Variants in MELK observed in about 807,000 individuals in gnomAD.
MELK encodes maternal embryonic leucine zipper kinase, also known as pEg3 kinase.
A neutral mutation model predicts 85.0 loss-of-function variants in MELK; 81 were observed. The ratio of observed to expected loss-of-function variants is 0.95; its 90% CI spans 0.80 to 1.15. MELK has a LOEUF of 1.15. MELK is among the 50% of genes most tolerant of loss of function. The pLI is 0.00. For synonymous variants in MELK, 252 were observed against 265.0 expected (o/e 0.95, Z 0.48); for missense variants, 754 against 777.5 (o/e 0.97, Z 0.36).
At chr9:36,648,991 G>C (rs143197332) in intron 11 of MELK, among the ~76,000 whole-genome samples, 1 of 152,130 alleles carries the variant, frequency 6.6e-6, no homozygotes, top group Non-Finnish European at 1.5e-5. Context: ...CCCCAGATAT[G>C]CAGGGAGCGG....
intron 8 of MELK, among the ~76,000 whole-genome samples, chr9:36,609,505 G>A (rs1379504076): frequency 2.0e-5 from 3 of 150,250 alleles, no homozygotes; most frequent in Admixed American, 6.6e-5. Flanking sequence ...TGAAGTGCAG[G>A]AGTGCGATCA....
chr9:36,627,766 A>G (rs1466487822), intron 8 of MELK, among the ~76,000 whole-genome samples: 2 of 151,248 alleles, frequency 1.3e-5, no homozygotes, highest in African/African-American at 4.9e-5. Context: ...ACCTCAGGTG[A>G]TCCGCCCATC....
At chr9:36,608,551 C>G (rs906822585) in intron 8 of MELK, among the ~76,000 whole-genome samples, 2 of 151,608 alleles carry the variant, frequency 1.3e-5, no homozygotes, top group African/African-American at 4.8e-5. Context: ...TTTTTGAAAA[C>G]TCATTGAGGT....
chr9:36,658,289 T>C (rs1831453396), intron 13 of MELK, among the ~76,000 whole-genome samples: 1 of 152,180 alleles, frequency 6.6e-6, no homozygotes, highest in African/African-American at 2.4e-5. Context: ...GCACACTTGA[T>C]GGTGCCCTAC....
intron 13 of MELK, among the ~76,000 whole-genome samples, chr9:36,662,540 T>C (rs10758386): frequency 0.87 from 132,012 of 152,174 alleles, 57,536 homozygotes; most frequent in East Asian, 0.92. Context: ...CCCTGCACCC[T>C]GCTGTGAATC....
intron 8 of MELK, among the ~76,000 whole-genome samples, chr9:36,615,436 C>G (rs1313467426): frequency 7.4e-6 from 1 of 135,398 alleles, no homozygotes; most frequent in Admixed American, 7.2e-5. Flanking sequence ...GCTGGCCAGG[C>G]GGGGGGCTGA....
At chr9:36,657,802 C>T (rs141711003) in intron 13 of MELK, among the ~76,000 whole-genome samples, 30 of 152,240 alleles carry the variant, frequency 2.0e-4, no homozygotes, top group Admixed American at 9.8e-4. Context: ...CAGCTGGTCT[C>T]GAACTCCTGA....
intron 12 of MELK, 60 bp from the exon 13 acceptor site, chr9:36,657,181 A>C (rs1271723275): frequency 1.4e-5 from 22 of 1,537,968 alleles, no homozygotes; most frequent in Non-Finnish European, 1.8e-5. Flanking sequence ...GCGTGACTGT[A>C]TTTTAAATAT....
intron 10 of MELK, among the ~76,000 whole-genome samples, chr9:36,635,494 C>G (rs559940784): frequency 6.6e-6 from 1 of 152,162 alleles, no homozygotes; most frequent in African/African-American, 2.4e-5. Context: ...GAACTCCTGA[C>G]CTCAGGTGGT....
At chr9:36,648,673 G>A (rs1830433963) in intron 11 of MELK, among the ~76,000 whole-genome samples, 1 of 152,168 alleles carries the variant, frequency 6.6e-6, no homozygotes, top group Non-Finnish European at 1.5e-5. Context: ...CAGTGATGGT[G>A]GGGAAAATAT....
At position 36,605,679 on chromosome 9, in the gene MELK, T is replaced by C. The variant is rs1242241615; in HGVS notation, c.568-1896T>C. Among the ~76,000 whole-genome samples the C allele has an allele frequency of 2.0e-5, 3 of 151,782 alleles. No individual in the cohort carries two copies. The East Asian group carries it at 5.8e-4, about 29-fold the overall frequency. On this transcript the variant is annotated intron_variant, in intron 7 of 17. Transcript: ENST00000298048. ...AAATTGTTCACTTGAGACGTCATAG[T>C]AGAGTCCTAATAATTTGATATGATT...
Position 36,630,280 on chromosome 9 carries a change from A to G in MELK, c.667-19A>G. On this transcript the variant is annotated intron_variant, in intron 8 of 17. Transcript: ENST00000298048. ...AAGGCTGATTGAACCTGAATCTCTT[A>G]AATGCTTTGTTTTTGTAGAGAGGAA... is the stretch of plus-strand genomic sequence containing the variant. 1 of 1,595,378 alleles carries G rather than the reference A, an allele frequency of 6.3e-7. No individual in the cohort carries two copies. Among genetic ancestry groups the G allele is most frequent in the South Asian group, 1.1e-5 (1 of 90,358 alleles).
At position 36,643,003 on chromosome 9, in the gene MELK, C is replaced by A; in HGVS notation, c.841C>A (p.His281Asn). ...VEWQSKNPFI[H>N]LDDDCVTELS... ...GCATAATTTTTTTTTGTAGTTTATT[C>A]ACCTCGATGATGATTGCGTAACAGA... is the stretch of plus-strand genomic sequence containing the variant. Residue 281 changes from histidine to asparagine, a missense_variant, in exon 11 of 18, where the codon CAC (histidine) becomes AAC (asparagine). Coordinates refer to ENST00000298048, the MANE Select transcript of MELK (RefSeq NM_014791.4). 2 of 1,599,440 alleles carry A rather than the reference C, an allele frequency of 1.3e-6. No homozygotes were observed. Among genetic ancestry groups the A allele is most frequent in the Non-Finnish European group, 1.7e-6 (2 of 1,174,740 alleles).
chr9:36,622,197 AATTTAATTTCACAC>A (rs1827513047), intron 8 of MELK, among the ~76,000 whole-genome samples: 1 of 152,164 alleles, frequency 6.6e-6, no homozygotes, highest in Non-Finnish European at 1.5e-5. Context: ...ATTATTGTGG[AATTTAATTTCACAC>A]ATTATAGATT....
chr9:36,650,550 T>C (rs1830611948), intron 11 of MELK, among the ~76,000 whole-genome samples: 1 of 152,236 alleles, frequency 6.6e-6, no homozygotes, highest in Non-Finnish European at 1.5e-5. Context: ...CGAAGATTAT[T>C]ATCAACCCAG....
chr9:36,577,640 A>ATTTTAAT (rs1289699109), intron 1 of MELK, among the ~76,000 whole-genome samples: 4 of 150,002 alleles, frequency 2.7e-5, no homozygotes, highest in Non-Finnish European at 4.4e-5. Flanking sequence ...CCTCGACTAG[A>ATTTTAAT]TTTTAATTTT....
chr9:36,648,160 C>T (rs1830393416), intron 11 of MELK, among the ~76,000 whole-genome samples: 1 of 152,014 alleles, frequency 6.6e-6, no homozygotes, highest in Admixed American at 6.5e-5. Context: ...CGAACACTTC[C>T]TAAAACCTTA....
chr9:36,664,183 T>G (rs1240431844), intron 13 of MELK, among the ~76,000 whole-genome samples: 1 of 152,216 alleles, frequency 6.6e-6, no homozygotes, highest in African/African-American at 2.4e-5. Context: ...CAAATCTATT[T>G]GAACAGTTTT....
chr9:36,666,895 G>GA (rs1832412517), intron 14 of MELK, among the ~76,000 whole-genome samples: 1 of 145,936 alleles, frequency 6.9e-6, no homozygotes, highest in African/African-American at 2.6e-5. Context: ...GTGTGTGTGT[G>GA]TGTGTGTGTG....
Sources: allele counts gnomAD v4.1 joint callset (sites outside exome capture counted in the v4.1 genomes callset), GRCh38; gene constraint gnomAD v4.1.1; transcripts MANE v1.5; gene names NCBI Gene and HGNC (gene_info 2026-07-23, HGNC 2026-07-21).